SLC45A2: variants seen among roughly 807,000 people sequenced by gnomAD.
The protein encoded by SLC45A2 is membrane-associated transporter protein.
Under a neutral mutation model 45.5 loss-of-function variants are expected in SLC45A2, and 36 were observed. The ratio of observed to expected loss-of-function variants is 0.79; its 90% CI spans 0.61 to 1.04. The LOEUF (loss-of-function observed/expected upper bound fraction) is 1.04, where lower values mean the gene tolerates loss of function less well. SLC45A2 is among the 50% of genes least tolerant of loss of function. The probability of loss-of-function intolerance (pLI) is 0.00; values close to 1 mark genes in which losing one functional copy is unlikely to be tolerated. For synonymous variants in SLC45A2, 306 were observed against 269.3 expected, an observed-to-expected ratio of 1.14 and a Z score of -1.33; for missense variants, 719 against 671.0, an observed-to-expected ratio of 1.07 and a Z score of -0.79.
intron 3 of SLC45A2, among the ~76,000 whole-genome samples, chr5:33,960,386 T>A (rs1355437058): frequency 1.3e-5 from 2 of 151,966 alleles, no homozygotes; most frequent in East Asian, 3.9e-4. Flanking sequence ...TGTAAACGTG[T>A]GTGCAGGTAT....
At chr5:33,959,428 C>A (rs536356673) in intron 3 of SLC45A2, among the ~76,000 whole-genome samples, 2 of 152,202 alleles carry the variant, frequency 1.3e-5, no homozygotes, top group African/African-American at 4.8e-5. Flanking sequence ...TCAAAGAGTA[C>A]AAGTATTCTC....
chr5:33,966,252 C>T lies in SLC45A2; in HGVS notation c.563-2236G>A, dbSNP rs1752597230. ...CCTACAATTGGGGAGTTTCCTGATG[C>T]AGTTGCATGTCTACTGGTTTACTTT... is the stretch of plus-strand genomic sequence containing the variant. On this transcript the variant is annotated intron_variant, in intron 2 of 6. Transcript: ENST00000296589. 3.3e-5 allele frequency among the ~76,000 whole-genome samples: 5 copies of T among 152,202 alleles called. No homozygotes were observed. The South Asian group carries it at 1.0e-3, about 32-fold the overall frequency.
intron 3 of SLC45A2, among the ~76,000 whole-genome samples, chr5:33,959,566 C>T (rs1250277830): frequency 2.0e-5 from 3 of 152,104 alleles, no homozygotes; most frequent in African/African-American, 7.2e-5. Context: ...CTTAGTTCCT[C>T]GTTGCACTCT....
intron 2 of SLC45A2, among the ~76,000 whole-genome samples, chr5:33,967,545 T>C (rs1385181534): frequency 1.3e-5 from 2 of 152,172 alleles, no homozygotes; most frequent in Admixed American, 1.3e-4. Flanking sequence ...ACTAACTTCC[T>C]TTCTTGAGAA....
intron 3 of SLC45A2, among the ~76,000 whole-genome samples, chr5:33,956,417 C>T (rs1176211904): frequency 6.6e-6 from 1 of 151,546 alleles, no homozygotes; most frequent in Non-Finnish European, 1.5e-5. Context: ...CCAGTCAAAG[C>T]AAAAGCAGAC....
intron 3 of SLC45A2, among the ~76,000 whole-genome samples, chr5:33,960,528 T>C (rs77314140): frequency 1.3e-5 from 2 of 152,156 alleles, no homozygotes; most frequent in African/African-American, 4.8e-5. Flanking sequence ...AAACATTGTA[T>C]GTTCTAACTC....
chr5:33,950,820 G>A (rs1041755438), intron 5 of SLC45A2, among the ~76,000 whole-genome samples: 5 of 152,174 alleles, frequency 3.3e-5, no homozygotes, highest in Non-Finnish European at 7.3e-5. Flanking sequence ...TTATAATTAG[G>A]AGAACTGCAT....
At chr5:33,946,938 C>T in intron 6 of SLC45A2, 1 of 1,456,066 alleles carries the variant, frequency 6.9e-7, no homozygotes, top group Non-Finnish European at 9.0e-7. Flanking sequence ...CCTACAGCTC[C>T]CTAAGTGAGC....
intron 6 of SLC45A2, 138 bp downstream of exon 6, chr5:33,947,025 C>T (rs762127849): frequency 3.5e-5 from 56 of 1,599,034 alleles, no homozygotes; most frequent in Admixed American, 1.7e-4. Flanking sequence ...ATCATGGTTG[C>T]AGTTGGTTGG....
chr5:33,982,214 G>A, intron 2 of SLC45A2, 22 bp downstream of exon 2: 1 of 1,613,656 alleles, frequency 6.2e-7, no homozygotes, highest in Non-Finnish European at 8.5e-7. Flanking sequence ...CTGAAGGAGA[G>A]ACTTTCTGGA....
At chr5:33,967,885 T>C (rs555601585) in intron 2 of SLC45A2, among the ~76,000 whole-genome samples, 1 of 152,130 alleles carries the variant, frequency 6.6e-6, no homozygotes, top group South Asian at 2.1e-4. Flanking sequence ...TTGGTTCCTT[T>C]ATTAATGTGT....
chr5:33,948,978 G>A (rs1490060765), intron 5 of SLC45A2, among the ~76,000 whole-genome samples: 1 of 152,212 alleles, frequency 6.6e-6, no homozygotes, highest in African/African-American at 2.4e-5. Context: ...GATACCCAGT[G>A]GTAGTCATAT....
At position 33,972,090 on chromosome 5, in the gene SLC45A2, A is replaced by G. The variant is rs373886439; in HGVS notation, c.563-8074T>C. 5.5e-5 allele frequency: 28 copies of G among 510,370 alleles called. No homozygotes were observed. The East Asian group carries it at 1.1e-3, about 20-fold the overall frequency. 31.6% of individuals were successfully genotyped at this position (510,370 alleles called of 1,614,324 possible). ...GTATCTAGTTCTATTGTAGACAAGC[A>G]CATTGGTGAAAGGGCTCATTGGATC... On this transcript the variant is annotated intron_variant, in intron 2 of 6. Coordinates refer to ENST00000296589, the MANE Select transcript of SLC45A2 (RefSeq NM_016180.5).
At position 33,963,691 on chromosome 5, in the gene SLC45A2, C is replaced by T. The variant is rs762440674; in HGVS notation, c.888G>A (p.Gln296=). Residue 296 remains glutamine, a splice_region_variant and synonymous_variant, in exon 3 of 7, where the codon CAG becomes CAA. Transcript: ENST00000296589. ...QGAKNKNHAE[Q]TRRAMTLKSL... is the part of the protein sequence containing the mutation. ...TAAAGAAAAAATGTTGCATCTTTAC[C>T]TGTTCAGCATGATTTTTGTTTTTTG... The T allele has an allele frequency of 1.9e-6, 3 of 1,613,690 alleles. No homozygotes were observed. The highest frequency in any genetic ancestry group is 1.7e-5 in the Admixed American group (1 of 60,006).
intron 6 of SLC45A2, 38 bp from the exon 7 acceptor site, chr5:33,944,910 G>T (rs776576564): frequency 6.3e-7 from 1 of 1,580,968 alleles, no homozygotes; most frequent in Non-Finnish European, 8.6e-7. Flanking sequence ...TGACCTACAA[G>T]GAACTGTCAT....
chr5:33,947,269 A>G lies in SLC45A2; in HGVS notation c.1262T>C (p.Val421Ala). The change falls in exon 6 of 7, where the codon GTC becomes GCC. Residue 421 changes from valine to alanine, a missense_variant. Physicochemically the swap from Val to Ala is moderately conservative, Grantham distance 64 (BLOSUM62 0). Transcript: ENST00000296589. ...GCTGCACAGGACCAGGGTGGAGTAG[A>G]CATTCGGGAAGAGCCCAATAAATCC... is the stretch of plus-strand genomic sequence containing the variant. ...GTGFIGLFPN[V>A]YSTLVLCSLF... 3 of 1,614,238 alleles carry G rather than the reference A, an allele frequency of 1.9e-6. No homozygotes were observed. The highest frequency in any genetic ancestry group is 1.7e-6 in the Non-Finnish European group (2 of 1,180,048).
At chr5:33,978,102 A>G (rs778280828) in intron 2 of SLC45A2, among the ~76,000 whole-genome samples, 1 of 152,192 alleles carries the variant, frequency 6.6e-6, no homozygotes, top group Non-Finnish European at 1.5e-5. Flanking sequence ...AAGAAACCTG[A>G]AAACCTAGTT....
intron 2 of SLC45A2, among the ~76,000 whole-genome samples, chr5:33,965,381 T>C (rs1752578799): frequency 6.6e-6 from 1 of 152,242 alleles, no homozygotes; most frequent in Non-Finnish European, 1.5e-5. Context: ...CTTCATATTC[T>C]GGTTAGTTGC....
rs530142639 is a variant in SLC45A2 at position 33,951,699 on chromosome 5, G to A, written c.1033-22C>T. On this transcript the variant is annotated intron_variant, in intron 4 of 6. Coordinates refer to ENST00000296589, the MANE Select transcript of SLC45A2 (RefSeq NM_016180.5). Reference sequence around the variant, plus strand: ...CAATCTGAAAGAGAGATTGGAGGCTGTTGAGGTACAAATGCAATGTAGTAA... The same window carrying A: ...CAATCTGAAAGAGAGATTGGAGGCTATTGAGGTACAAATGCAATGTAGTAA... 20 of 1,614,128 alleles carry A rather than the reference G, an allele frequency of 1.2e-5. No homozygotes were observed. In the South Asian group the frequency reaches 1.9e-4, roughly 15 times the overall value.
Sources: gnomAD v4.1 joint callset for allele counts (sites outside exome capture counted in the v4.1 genomes callset) on GRCh38, gnomAD v4.1.1 for gene constraint, MANE v1.5 for transcripts, NCBI Gene and HGNC (gene_info 2026-07-23, HGNC 2026-07-21) for gene names.